KLHL29: variants seen among roughly 807,000 people sequenced by gnomAD.
KLHL29 encodes kelch-like protein 29.
Under a neutral mutation model 80.4 loss-of-function variants are expected in KLHL29, and 21 were observed. That is an observed-to-expected ratio of 0.26 (90% CI 0.19 to 0.38). The LOEUF is 0.38. KLHL29 is among the 10% of genes least tolerant of loss of function. The pLI, the probability that KLHL29 is intolerant of heterozygous loss-of-function variation, is 1.00. For synonymous variants in KLHL29, 511 were observed against 526.8 expected (o/e 0.97, Z 0.41); for missense variants, 867 against 1,223.9 (o/e 0.71, Z 4.35).
At chr2:23,452,158 T>C (rs1366833838) in intron 1 of KLHL29, among the ~76,000 whole-genome samples, 2 of 151,366 alleles carry the variant, frequency 1.3e-5, no homozygotes, top group Non-Finnish European at 2.9e-5. Flanking sequence ...ACCACAAGCA[T>C]GTCCCACCGT....
At chr2:23,599,459 AATAG>A (rs1326773006) in intron 3 of KLHL29, among the ~76,000 whole-genome samples, 25 of 151,964 alleles carry the variant, frequency 1.6e-4, no homozygotes, top group Non-Finnish European at 3.5e-4. Flanking sequence ...AATATCTTTG[AATAG>A]ATATTTTAAA....
chr2:23,672,427 CCGA>C (rs747863069), intron 5 of KLHL29: 1 of 152,402 alleles, frequency 6.6e-6, no homozygotes, highest in Non-Finnish European at 1.5e-5. Flanking sequence ...TAAATATGCA[CCGA>C]GGTGCTGAGC....
chr2:23,601,480 CT>C (rs1165600550), intron 3 of KLHL29, among the ~76,000 whole-genome samples: 1 of 152,184 alleles, frequency 6.6e-6, no homozygotes, highest in Non-Finnish European at 1.5e-5. Context: ...AAGCCTCCCC[CT>C]CTGTGGTTTG....
intron 1 of KLHL29, among the ~76,000 whole-genome samples, chr2:23,452,815 G>T (rs1178083267): frequency 6.6e-6 from 1 of 152,116 alleles, no homozygotes; most frequent in African/African-American, 2.4e-5. Context: ...TTACTGGCTT[G>T]CTTTTGGAAC....
chr2:23,625,963 C>A (rs1669298370), intron 3 of KLHL29, among the ~76,000 whole-genome samples: 1 of 152,206 alleles, frequency 6.6e-6, no homozygotes, highest in Non-Finnish European at 1.5e-5. Flanking sequence ...CGTGCTGGCA[C>A]ACTGATCTCA....
chr2:23,520,618 C>T (rs1473936339), intron 2 of KLHL29, among the ~76,000 whole-genome samples: 2 of 152,136 alleles, frequency 1.3e-5, no homozygotes, highest in South Asian at 2.1e-4. Flanking sequence ...GAAGGACAGG[C>T]GCAGGTGATT....
chr2:23,643,303 G>GACACAGTA, intron 5 of KLHL29: 1 of 310,474 alleles, frequency 3.2e-6, no homozygotes. Flanking sequence ...CCCAGGGAAG[G>GACACAGTA]CACTCTCTGT....
chr2:23,578,261 T>G (rs534655360), intron 3 of KLHL29, among the ~76,000 whole-genome samples: 11 of 152,226 alleles, frequency 7.2e-5, no homozygotes, highest in East Asian at 1.9e-4. Context: ...CATAAGTACT[T>G]AACACACCTC....
chr2:23,579,571 A>T lies in KLHL29; in HGVS notation c.285+17090A>T, dbSNP rs145012109. 1.1e-3 allele frequency among the ~76,000 whole-genome samples: 168 copies of T among 152,134 alleles called. 5 individuals are homozygous for T. In the South Asian group the frequency reaches 0.022, roughly 20 times the overall value. The stretch of plus-strand genomic sequence containing the variant: ...GAGGTCCACCTTAGTAGATTTCTGG[A>T]GTCTACCCTTTTCCCTCCAGTCCCA... On this transcript the variant is annotated intron_variant, in intron 3 of 13. Coordinates refer to ENST00000486442, the MANE Select transcript of KLHL29 (RefSeq NM_052920.2).
At chr2:23,480,414 G>A (rs1664766267) in intron 2 of KLHL29, among the ~76,000 whole-genome samples, 2 of 152,148 alleles carry the variant, frequency 1.3e-5, no homozygotes, top group Non-Finnish European at 2.9e-5. Flanking sequence ...TTGAAAGTGG[G>A]AGGTGGAGGT....
rs368436899 is a variant in KLHL29, at chr2:23,638,051, AT to A, written c.286-1078del. Among the ~76,000 whole-genome samples, 242 of 127,894 alleles carry A rather than the reference AT, an allele frequency of 1.9e-3. 1 individual carries two copies. Among genetic ancestry groups the A allele is most frequent in the African/African-American group, 6.4e-3 (217 of 33,856 alleles). 83.9% of individuals were successfully genotyped at this position (127,894 alleles called of 152,430 possible). Reference sequence around the variant, plus strand: ...CCAACCTTGCCAGCATGTATCCAGGATTTTTTTTTTCCTATTACATATAATG... The same window carrying A: ...CCAACCTTGCCAGCATGTATCCAGGATTTTTTTTTCCTATTACATATAATG... On this transcript the variant is annotated intron_variant, in intron 3 of 13. Coordinates refer to ENST00000486442, the MANE Select transcript of KLHL29 (RefSeq NM_052920.2).
At chr2:23,611,821 A>G (rs1668877787) in intron 3 of KLHL29, among the ~76,000 whole-genome samples, 2 of 152,120 alleles carry the variant, frequency 1.3e-5, no homozygotes, top group Non-Finnish European at 1.5e-5. Context: ...TTAAAAACCC[A>G]AATGTAAATA....
At chr2:23,505,801 T>G (rs1314507132) in intron 2 of KLHL29, among the ~76,000 whole-genome samples, 1 of 152,232 alleles carries the variant, frequency 6.6e-6, no homozygotes, top group East Asian at 1.9e-4. Context: ...GGTGGGGATT[T>G]GAACTTGCAT....
chr2:23,561,348 C>T (rs1207128903), intron 2 of KLHL29, among the ~76,000 whole-genome samples: 1 of 152,168 alleles, frequency 6.6e-6, no homozygotes, highest in Non-Finnish European at 1.5e-5. Context: ...CATGGTGTGT[C>T]CAGGTCTCCA....
At chr2:23,475,432 A>C (rs1158993476) in intron 1 of KLHL29, 128 bp from the exon 2 acceptor site, 2 of 156,492 alleles carry the variant, frequency 1.3e-5, no homozygotes, top group South Asian at 4.2e-4. Context: ...ACTAGCATCC[A>C]GTTAGTGTGG....
At chr2:23,645,364 A>G (rs1572462591) in intron 5 of KLHL29, among the ~76,000 whole-genome samples, 1 of 152,114 alleles carries the variant, frequency 6.6e-6, no homozygotes, top group African/African-American at 2.4e-5. Context: ...CTGAAGCCCA[A>G]TTGATTTCAC....
rs578231695 is a variant in KLHL29 at position 23,479,890 on chromosome 2, C to G, written c.-46+4223C>G. Among the ~76,000 whole-genome samples the G allele has an allele frequency of 7.9e-5, 12 of 152,340 alleles. No individual in the cohort carries two copies. The South Asian group carries it at 2.5e-3, about 32-fold the overall frequency. Reference sequence around the variant, plus strand: ...GGCACAGGGCCCTGTTCATGCATATCTCTTGGGATTAGATTATTTTATTCA... The same window carrying G: ...GGCACAGGGCCCTGTTCATGCATATGTCTTGGGATTAGATTATTTTATTCA... On this transcript the variant is annotated intron_variant, in intron 2 of 13. Transcript: ENST00000486442.
At chr2:23,515,824 C>G (rs1665905004) in intron 2 of KLHL29, among the ~76,000 whole-genome samples, 1 of 152,210 alleles carries the variant, frequency 6.6e-6, no homozygotes, top group Non-Finnish European at 1.5e-5. Context: ...TGAGAAGTTG[C>G]AGCCCTCCAC....
chr2:23,512,789 A>G (rs1173819549), intron 2 of KLHL29, among the ~76,000 whole-genome samples: 1 of 152,256 alleles, frequency 6.6e-6, no homozygotes, highest in South Asian at 2.1e-4. Flanking sequence ...AGGACTGTGT[A>G]TGCGCCTCTG....
Sources: allele counts gnomAD v4.1 joint callset (sites outside exome capture counted in the v4.1 genomes callset), GRCh38; gene constraint gnomAD v4.1.1; transcripts MANE v1.5; gene names NCBI Gene and HGNC (gene_info 2026-07-23, HGNC 2026-07-21).